Variants in SNX29 observed in about 807,000 individuals in gnomAD.
The protein encoded by SNX29 is sorting nexin-29.
SNX29 carries 78 observed loss-of-function variants against 102.1 expected under a neutral mutation model. The ratio of observed to expected loss-of-function variants is 0.76; its 90% CI spans 0.64 to 0.92. The LOEUF (loss-of-function observed/expected upper bound fraction) is 0.92. Ranked by LOEUF, SNX29 falls within the 40% of genes least tolerant of loss-of-function variation. The pLI, the probability that SNX29 is intolerant of heterozygous loss-of-function variation, is 0.00. For missense variants in SNX29, 1,280 were observed against 1,061.7 expected, an observed-to-expected ratio of 1.21 and a Z score of -2.86; for synonymous variants, 580 against 414.5, an observed-to-expected ratio of 1.40 and a Z score of -4.85.
chr16:12,528,966 C>T (rs906125910), intron 20 of SNX29, among the ~76,000 whole-genome samples: 2 of 152,204 alleles, frequency 1.3e-5, no homozygotes, highest in African/African-American at 4.8e-5. Flanking sequence ...TAGATGGAAC[C>T]TGCTTTCACA....
chr16:12,560,196 G>A (rs1258855426), intron 20 of SNX29, among the ~76,000 whole-genome samples: 1 of 134,486 alleles, frequency 7.4e-6, no homozygotes, highest in Non-Finnish European at 1.5e-5. Flanking sequence ...TTTAACTTGT[G>A]CTTGTAGAAG....
At chr16:12,564,121 G>A (rs759999566) in intron 20 of SNX29, among the ~76,000 whole-genome samples, 1 of 152,162 alleles carries the variant, frequency 6.6e-6, no homozygotes, top group Non-Finnish European at 1.5e-5. Flanking sequence ...GGGTGTGGTG[G>A]ATCGTGCCTA....
At chr16:12,101,049 C>T (rs1034958735) in intron 11 of SNX29, among the ~76,000 whole-genome samples, 1 of 152,204 alleles carries the variant, frequency 6.6e-6, no homozygotes, top group Non-Finnish European at 1.5e-5. Flanking sequence ...AAGAGTGCCA[C>T]GAAGAGTGCC....
chr16:12,498,684 G>A (rs566216672), intron 19 of SNX29, among the ~76,000 whole-genome samples: 1 of 152,318 alleles, frequency 6.6e-6, no homozygotes, highest in South Asian at 2.1e-4. Context: ...GTAGTCTCTA[G>A]TAATCTCTGA....
chr16:12,152,034 TG>T (rs34066353), intron 13 of SNX29, among the ~76,000 whole-genome samples: 63,901 of 151,868 alleles, frequency 0.42, 13,651 homozygotes, highest in East Asian at 0.66. Context: ...GCCTGGGCAA[TG>T]TGGTGAAACC....
At chr16:12,002,215 A>G (rs2056313347) in intron 2 of SNX29, among the ~76,000 whole-genome samples, 1 of 152,156 alleles carries the variant, frequency 6.6e-6, no homozygotes, top group Non-Finnish European at 1.5e-5. Flanking sequence ...TGGGAGGCCA[A>G]GGCGGTCGGA....
chr16:12,275,775 T>G (rs1049142418), intron 14 of SNX29, among the ~76,000 whole-genome samples: 1 of 151,914 alleles, frequency 6.6e-6, no homozygotes, highest in Non-Finnish European at 1.5e-5. Context: ...AAATTGTGCA[T>G]ATGTATGAGG....
chr16:12,341,194 C>T (rs1039936056), intron 15 of SNX29, among the ~76,000 whole-genome samples: 1 of 152,152 alleles, frequency 6.6e-6, no homozygotes, highest in African/African-American at 2.4e-5. Context: ...ACTGCCTGGG[C>T]CCATATAGCA....
chr16:12,553,965 C>G (rs1030510565), intron 20 of SNX29, among the ~76,000 whole-genome samples: 1 of 152,128 alleles, frequency 6.6e-6, no homozygotes, highest in African/African-American at 2.4e-5. Flanking sequence ...GTAGCTGGGA[C>G]TACAGGCATC....
intron 6 of SNX29, among the ~76,000 whole-genome samples, chr16:12,047,736 C>T (rs994190535): frequency 1.3e-5 from 2 of 150,780 alleles, no homozygotes; most frequent in Non-Finnish European, 2.9e-5. Flanking sequence ...TGGCTCACCA[C>T]AACCTCTGCC....
At chr16:12,523,750 G>A (rs1244806280) in intron 19 of SNX29, among the ~76,000 whole-genome samples, 1 of 152,192 alleles carries the variant, frequency 6.6e-6, no homozygotes, top group Non-Finnish European at 1.5e-5. Context: ...AGGGGGTTCT[G>A]GATCACAGAG....
rs188004966 is a variant in SNX29, at chr16:12,326,316, A to G, written c.1783-29847A>G. On this transcript the variant is annotated intron_variant, in intron 15 of 20. Coordinates refer to ENST00000566228, the MANE Select transcript of SNX29 (RefSeq NM_032167.5). ...GGTGTGAGCCCAGCCAAATAAATAT[A>G]TAGCTTTTTTGTCTTTTTTTTTTTT... Among the ~76,000 whole-genome samples, 689 of 128,926 alleles carry G rather than the reference A, an allele frequency of 5.3e-3. 1 individual carries two copies. The highest frequency in any genetic ancestry group is 0.027 in the Middle Eastern group (7 of 256). 84.6% of individuals were successfully genotyped at this position (128,926 alleles called of 152,430 possible). A position where few individuals can be genotyped will look rare whatever the true frequency, so the allele number is the denominator to read the frequency against.
chr16:12,404,341 T>C (rs1407920879), intron 18 of SNX29, among the ~76,000 whole-genome samples: 1 of 152,044 alleles, frequency 6.6e-6, no homozygotes, highest in African/African-American at 2.4e-5. Flanking sequence ...CAGTTCTCCG[T>C]CTCCTCTCTG....
chr16:12,114,563 G>T (rs1012455535), intron 11 of SNX29, among the ~76,000 whole-genome samples: 2 of 151,746 alleles, frequency 1.3e-5, no homozygotes, highest in African/African-American at 4.8e-5. Context: ...GTTCTGTATC[G>T]TCATTCCTTT....
rs566019202 is a variant in SNX29, at chr16:12,315,494, C to G, written c.1782+37458C>G. Among the ~76,000 whole-genome samples the G allele has an allele frequency of 2.6e-5, 4 of 152,220 alleles. No individual in the cohort carries two copies. The South Asian group carries it at 8.3e-4, about 32-fold the overall frequency. On this transcript the variant is annotated intron_variant, in intron 15 of 20. Coordinates refer to ENST00000566228, the MANE Select transcript of SNX29 (RefSeq NM_032167.5). ...CATCATTTACATATTGAATCCCTAACCCCCAGTGTGAATGTATATGGAGAT... is the reference window on the plus strand; with the variant it reads ...CATCATTTACATATTGAATCCCTAAGCCCCAGTGTGAATGTATATGGAGAT...
intron 14 of SNX29, among the ~76,000 whole-genome samples, chr16:12,203,366 T>G: frequency 6.6e-6 from 1 of 151,696 alleles, no homozygotes; most frequent in South Asian, 2.1e-4. Context: ...CTGGTGGCAT[T>G]GGAGGTGACA....
rs1290009099 is a variant in SNX29 at position 12,160,236 on chromosome 16, G to A, written c.1595+30478G>A. Among the ~76,000 whole-genome samples the A allele has an allele frequency of 2.0e-5, 3 of 152,294 alleles. No individual in the cohort carries two copies. The East Asian group carries it at 5.8e-4, about 29-fold the overall frequency. ...ACGAACTGCCTCCACTCCACTTTCT[G>A]ACTGTATTCATGTTGCTGAGGGGCG... On this transcript the variant is annotated intron_variant, in intron 13 of 20. Coordinates refer to ENST00000566228, the MANE Select transcript of SNX29 (RefSeq NM_032167.5).
chr16:12,106,083 G>T (rs2053224404), intron 11 of SNX29, among the ~76,000 whole-genome samples: 1 of 152,186 alleles, frequency 6.6e-6, no homozygotes, highest in Non-Finnish European at 1.5e-5. Flanking sequence ...AGATGCTGAA[G>T]CAAGATTGTC....
At position 12,098,207 on chromosome 16, in the gene SNX29, C is replaced by T. The variant is rs1235595870; in HGVS notation, c.1402+19292C>T. Among the ~76,000 whole-genome samples, 9 of 152,180 alleles carry T rather than the reference C, an allele frequency of 5.9e-5. No homozygotes were observed. ...TTCAACTCCTTTTCCTCCTCCTCTT[C>T]TCCCTCCTGCCCTAGACCTTAAATA... On this transcript the variant is annotated intron_variant, in intron 11 of 20. Transcript: ENST00000566228. The surrounding 1 kb of genome is among the most constrained non-coding windows in gnomAD (Gnocchi z 6.0).
Sources: allele counts gnomAD v4.1 joint callset (sites outside exome capture counted in the v4.1 genomes callset), GRCh38; gene constraint gnomAD v4.1.1; non-coding constraint Gnocchi (gnomAD v3.1); transcripts MANE v1.5; gene names NCBI Gene and HGNC (gene_info 2026-07-23, HGNC 2026-07-21).